GRK3: variants seen among roughly 807,000 people sequenced by gnomAD.
GRK3 encodes the protein G protein-coupled receptor kinase 3.
Under a neutral mutation model 95.7 loss-of-function variants are expected in GRK3, and 54 were observed. That is an observed-to-expected ratio of 0.56 (90% CI 0.45 to 0.71). The LOEUF is 0.71. Among genes scored for constraint, GRK3 ranks in the 30% least tolerant of loss-of-function variants. GRK3 has a pLI of 0.00. For synonymous variants in GRK3, 281 were observed against 290.8 expected (o/e 0.97, Z 0.34); for missense variants, 649 against 851.2 (o/e 0.76, Z 2.96).
At chr22:25,591,856 T>G (rs1192643031) in intron 1 of GRK3, among the ~76,000 whole-genome samples, 2 of 152,182 alleles carry the variant, frequency 1.3e-5, no homozygotes, top group African/African-American at 2.4e-5. Flanking sequence ...ACTGTTTCAT[T>G]ATAGTGATAT....
chr22:25,721,276 A>C lies in GRK3; in HGVS notation c.1792-8A>C, dbSNP rs752757970. ...ATTTGAATTTTAAATTTCTGTTTTTATGGTTAGCAAAATTTACTGACAATG... is the reference window on the plus strand; with the variant it reads ...ATTTGAATTTTAAATTTCTGTTTTTCTGGTTAGCAAAATTTACTGACAATG... On this transcript the variant is annotated splice_polypyrimidine_tract_variant and splice_region_variant and intron_variant, in intron 19 of 20. Coordinates refer to ENST00000324198, the MANE Select transcript of GRK3 (RefSeq NM_005160.4). The C allele has an allele frequency of 6.8e-7, 1 of 1,475,792 alleles. No homozygotes were observed. Among genetic ancestry groups the C allele is most frequent in the East Asian group, 2.3e-5 (1 of 42,716 alleles). 91.4% of individuals were successfully genotyped at this position (1,475,792 alleles called of 1,614,324 possible). A position where few individuals can be genotyped will look rare whatever the true frequency, so the allele number is the denominator to read the frequency against.
intron 3 of GRK3, among the ~76,000 whole-genome samples, chr22:25,658,145 G>A (rs748764661): frequency 6.6e-5 from 10 of 152,086 alleles, no homozygotes; most frequent in Non-Finnish European, 1.3e-4. Flanking sequence ...ATCCTTGTCT[G>A]ATAATTCTAA....
At chr22:25,589,043 T>A (rs538704814) in intron 1 of GRK3, among the ~76,000 whole-genome samples, 43 of 152,292 alleles carry the variant, frequency 2.8e-4, no homozygotes, top group African/African-American at 1.0e-3. Context: ...AGAGCTGAGA[T>A]TATAGAGCCA....
chr22:25,707,340 A>G (rs1404876202), intron 15 of GRK3, among the ~76,000 whole-genome samples: 3 of 152,236 alleles, frequency 2.0e-5, no homozygotes, highest in Non-Finnish European at 4.4e-5. Context: ...CAATAAGAAA[A>G]TCACCGAAGT....
At position 25,583,722 on chromosome 22, in the gene GRK3, T is replaced by C. The variant is rs571501554; in HGVS notation, c.113+18569T>C. 4.6e-5 allele frequency among the ~76,000 whole-genome samples: 7 copies of C among 152,300 alleles called. No individual in the cohort carries two copies. In the East Asian group the frequency reaches 1.2e-3, roughly 25 times the overall value. On this transcript the variant is annotated intron_variant, in intron 1 of 20. Transcript: ENST00000324198. The stretch of plus-strand genomic sequence containing the variant: ...TGAACAGATGAGTTGTCTTTTCCTT[T>C]TCCTCCCAATGAGTCTATGTATTTA...
At position 25,604,471 on chromosome 22, in the gene GRK3, A is replaced by C; in HGVS notation, c.190+18A>C. The C allele has an allele frequency of 6.4e-7, 1 of 1,573,504 alleles. No homozygotes were observed. The highest frequency in any genetic ancestry group is 8.7e-7 in the Non-Finnish European group (1 of 1,148,778). ...GAAAATTGGTAAGTCCTGCTTGTTC[A>C]TTTGGCATACGGTAATTTTAGTGAT... On this transcript the variant is annotated intron_variant, in intron 2 of 20. Transcript: ENST00000324198.
chr22:25,611,835 T>A (rs1161406946), intron 2 of GRK3, among the ~76,000 whole-genome samples: 1 of 146,388 alleles, frequency 6.8e-6, no homozygotes, highest in East Asian at 1.9e-4. Context: ...TAGTGTCTTT[T>A]TTTTTTTTTT....
At chr22:25,589,295 C>CT (rs1466030464) in intron 1 of GRK3, among the ~76,000 whole-genome samples, 1 of 152,198 alleles carries the variant, frequency 6.6e-6, no homozygotes, top group Non-Finnish European at 1.5e-5. Flanking sequence ...TGTAGTTTCT[C>CT]TACCAGTAAG....
intron 3 of GRK3, 76 bp downstream of exon 3, chr22:25,644,741 A>T: frequency 1.5e-6 from 1 of 673,588 alleles, no homozygotes; most frequent in Non-Finnish European, 2.5e-6. Flanking sequence ...TATTAAGACT[A>T]CTTAATATCT....
intron 1 of GRK3, among the ~76,000 whole-genome samples, chr22:25,582,543 A>G (rs1932137097): frequency 6.6e-6 from 1 of 152,220 alleles, no homozygotes; most frequent in African/African-American, 2.4e-5. Context: ...GCCAGTGCTC[A>G]TTCATCTGAA....
At chr22:25,714,648 T>C in intron 18 of GRK3, 78 bp downstream of exon 18, 1 of 1,378,942 alleles carries the variant, frequency 7.3e-7, no homozygotes, top group South Asian at 1.5e-5. Flanking sequence ...AAAAAGTATT[T>C]GGGTCGTAAG....
chr22:25,715,270 T>A (rs185234533), intron 18 of GRK3: 1 of 152,354 alleles, frequency 6.6e-6, no homozygotes, highest in East Asian at 1.9e-4. Flanking sequence ...TCCCAGCACC[T>A]CGGGAGGCCG....
chr22:25,728,104 G>C lies in GRK3; in HGVS notation c.*5654G>C, dbSNP rs932522373. Reference sequence around the variant, plus strand: ...ATTTCTGCTCCTTTTTATTTGTATAGTTTGTTATTTAAAGAAATGGCAGTC... The same window carrying C: ...ATTTCTGCTCCTTTTTATTTGTATACTTTGTTATTTAAAGAAATGGCAGTC... On this transcript the variant is annotated 3_prime_UTR_variant, in exon 21 of 21. Coordinates refer to ENST00000324198, the MANE Select transcript of GRK3 (RefSeq NM_005160.4). 2.0e-5 allele frequency: 3 copies of C among 152,048 alleles called. No individual in the cohort carries two copies. Among genetic ancestry groups the C allele is most frequent in the African/African-American group, 7.2e-5 (3 of 41,406 alleles). The allele number at this position is 152,048 out of a possible 1,614,324, so 9.4% of individuals were successfully genotyped here.
chr22:25,582,709 C>A (rs1382989715), intron 1 of GRK3, among the ~76,000 whole-genome samples: 3 of 152,100 alleles, frequency 2.0e-5, no homozygotes, highest in African/African-American at 7.2e-5. Context: ...ATACAGGTGG[C>A]ATTTCGAGTG....
intron 1 of GRK3, among the ~76,000 whole-genome samples, chr22:25,566,945 CTTCTG>C (rs1314336219): frequency 6.6e-6 from 1 of 150,808 alleles, no homozygotes; most frequent in Non-Finnish European, 1.5e-5. Flanking sequence ...AAGTTAGGAA[CTTCTG>C]TTCAGTTTTT....
Position 25,678,868 on chromosome 22 carries a change from A to G in GRK3, c.700A>G (p.Thr234Ala), listed in dbSNP as rs2085053003. Reference sequence around the variant, plus strand: ...GAGGATCAAAATGAAACAAGGAGAAACATTAGCCTTAAATGAAAGAATCAT... The same window carrying G: ...GAGGATCAAAATGAAACAAGGAGAAGCATTAGCCTTAAATGAAAGAATCAT... ...KKRIKMKQGE[T>A]LALNERIMLS... Residue 234 changes from threonine (T) to alanine (A), a missense_variant, in exon 9 of 21, where the codon ACA becomes GCA. By Grantham distance (58) the Thr-to-Ala change is moderately conservative. Coordinates refer to ENST00000324198, the MANE Select transcript of GRK3 (RefSeq NM_005160.4). 2 of 1,609,452 alleles carry G rather than the reference A, an allele frequency of 1.2e-6. No homozygotes were observed. The highest frequency in any genetic ancestry group is 2.7e-5 in the African/African-American group (2 of 74,784).
At chr22:25,631,524 A>G (rs930018070) in intron 2 of GRK3, among the ~76,000 whole-genome samples, 1 of 152,194 alleles carries the variant, frequency 6.6e-6, no homozygotes, top group Non-Finnish European at 1.5e-5. Flanking sequence ...TATGTGTCCA[A>G]TTTTATTTTT....
chr22:25,685,116 G>T, intron 9 of GRK3, 54 bp from the exon 10 acceptor site: 1 of 1,197,036 alleles, frequency 8.4e-7, no homozygotes, highest in Non-Finnish European at 1.2e-6. Flanking sequence ...GGTGGTAGAT[G>T]TGCTTTCTAG....
intron 10 of GRK3, 103 bp downstream of exon 10, chr22:25,685,351 G>A: frequency 1.2e-6 from 1 of 865,708 alleles, no homozygotes; most frequent in Non-Finnish European, 1.9e-6. Context: ...GGTCTTTCAG[G>A]TAATTAGGTT....
Sources: allele counts gnomAD v4.1 joint callset (sites outside exome capture counted in the v4.1 genomes callset), GRCh38; gene constraint gnomAD v4.1.1; transcripts MANE v1.5; gene names NCBI Gene and HGNC (gene_info 2026-07-23, HGNC 2026-07-21).